The following GUCY2C variants were observed in gnomAD, a reference collection of about 807,000 sequenced individuals.
GUCY2C encodes guanylate cyclase 2C, also known as guanylyl cyclase C.
Under a neutral mutation model 131.1 loss-of-function variants are expected in GUCY2C, and 118 were observed. The ratio of observed to expected loss-of-function variants is 0.90; its 90% CI spans 0.78 to 1.05. GUCY2C has a LOEUF of 1.05. Ranked by LOEUF, GUCY2C falls within the 50% of genes least tolerant of loss-of-function variation. The pLI is 0.00. For missense variants in GUCY2C, 1,161 were observed against 1,304.4 expected (o/e 0.89, Z 1.69); for synonymous variants, 452 against 457.8 (o/e 0.99, Z 0.16).
Position 14,621,076 on chromosome 12 carries a change from G to C in GUCY2C, c.2742C>G (p.Gly914=), listed in dbSNP as rs746044332. The change falls in exon 23 of 27, where the codon GGC becomes GGG. Residue 914 remains glycine (G), a synonymous_variant. Transcript: ENST00000261170. ...MGTFELEHLP[G]LPIWIRIGVH... ...CTCCAATGCGAATCCATATTGGGAGGCCAGGAAGATGCTCCAGCTCAAAGG... is the reference window on the plus strand; with the variant it reads ...CTCCAATGCGAATCCATATTGGGAGCCCAGGAAGATGCTCCAGCTCAAAGG... 2.5e-6 allele frequency: 4 copies of C among 1,613,908 alleles called. No homozygotes were observed. In the South Asian group the frequency reaches 3.3e-5, roughly 13 times the overall value.
chr12:14,683,037 C>CT lies in GUCY2C; in HGVS notation c.611+4dup. ...TGCTAGTGAAATATTAATGATCCTG[C>CT]TTACCAGAAACAGTCCTCAGTTTCT... is the stretch of plus-strand genomic sequence containing the variant. On this transcript the variant is annotated splice_donor_region_variant and intron_variant, in intron 4 of 26. Coordinates refer to ENST00000261170, the MANE Select transcript of GUCY2C (RefSeq NM_004963.4). 1.3e-6 allele frequency: 2 copies of CT among 1,594,216 alleles called. No homozygotes were observed. Among genetic ancestry groups the CT allele is most frequent in the South Asian group, 1.1e-5 (1 of 90,680 alleles).
chr12:14,674,725 T>G lies in GUCY2C; in HGVS notation c.984A>C (p.Gly328=). 2.5e-6 allele frequency: 4 copies of G among 1,611,514 alleles called. No homozygotes were observed. The highest frequency in any genetic ancestry group is 1.3e-5 in the African/African-American group (1 of 74,950). ...KRDFALAYLN[G]ILLFGHMLKI... is the part of the protein sequence containing the mutation. ...TCAGCATATGTCCAAAGAGCAGGAT[T>G]CCATTCAAATAGGCAAGAGCAAAGT... The change falls in exon 8 of 27, where the codon GGA becomes GGC. Residue 328 remains glycine, a synonymous_variant. Transcript: ENST00000261170.
chr12:14,646,917 T>C (rs1173708047), intron 15 of GUCY2C, among the ~76,000 whole-genome samples: 1 of 152,138 alleles, frequency 6.6e-6, no homozygotes, highest in Non-Finnish European at 1.5e-5. Context: ...AGATTATAAC[T>C]GTGATAAGTA....
chr12:14,687,934 CA>C lies in GUCY2C; in HGVS notation c.330+16del. ...GCCCAGAGGCCATGAGCTGCATCCA[CA>C]AAAGCAAATACTTACTGAAATTTTC... On this transcript the variant is annotated intron_variant, in intron 2 of 26. Coordinates refer to ENST00000261170, the MANE Select transcript of GUCY2C (RefSeq NM_004963.4). The C allele has an allele frequency of 6.9e-7, 1 of 1,443,448 alleles. No homozygotes were observed. The highest frequency in any genetic ancestry group is 9.8e-7 in the Non-Finnish European group (1 of 1,024,400). The allele number at this position is 1,443,448 out of a possible 1,614,324, so 89.4% of individuals were successfully genotyped here.
chr12:14,656,418 A>G (rs1947764145), intron 12 of GUCY2C, 94 bp downstream of exon 12: 3 of 678,994 alleles, frequency 4.4e-6, no homozygotes, highest in Middle Eastern at 5.0e-4. Context: ...TAGAACAACT[A>G]TCCCTACTTG....
At chr12:14,636,211 A>T (rs1269097966) in intron 19 of GUCY2C, among the ~76,000 whole-genome samples, 1 of 152,190 alleles carries the variant, frequency 6.6e-6, no homozygotes, top group African/African-American at 2.4e-5. Context: ...CAAGAAAAAA[A>T]ATACTAGCAA....
At chr12:14,644,722 A>C (rs1947480844) in intron 16 of GUCY2C, among the ~76,000 whole-genome samples, 2 of 148,732 alleles carry the variant, frequency 1.3e-5, no homozygotes, top group Non-Finnish European at 3.0e-5. Context: ...TCTCTTGTAA[A>C]GTTGAGGATT....
intron 21 of GUCY2C, among the ~76,000 whole-genome samples, chr12:14,625,413 C>A (rs10219619): frequency 2.0e-5 from 3 of 151,788 alleles, no homozygotes; most frequent in African/African-American, 7.3e-5. Context: ...CTGCAACCTC[C>A]GCATCTTGGG....
intron 15 of GUCY2C, among the ~76,000 whole-genome samples, chr12:14,649,070 G>A (rs576294570): frequency 6.6e-6 from 1 of 152,104 alleles, no homozygotes; most frequent in African/African-American, 2.4e-5. Flanking sequence ...TCTTCCCTGA[G>A]CTATGGTTTC....
Position 14,621,192 on chromosome 12 carries a change from T to TGTAC in GUCY2C, c.2622_2625dup (p.Met876ValfsTer5). 2 of 1,613,524 alleles carry TGTAC rather than the reference T, an allele frequency of 1.2e-6. No individual in the cohort carries two copies. Among genetic ancestry groups the TGTAC allele is most frequent in the Non-Finnish European group, 1.7e-6 (2 of 1,179,848 alleles). ...CTCTTAGGCAAACCACTAGCCACCA[T>TGTAC]GTACGCATCACCGATGGTTTCCACC... is the stretch of plus-strand genomic sequence containing the variant. On this transcript the variant is annotated frameshift_variant, in exon 23 of 27. Transcript: ENST00000261170. LOFTEE classifies it high-confidence loss of function.
chr12:14,657,621 G>A (rs1406910818), intron 11 of GUCY2C, among the ~76,000 whole-genome samples: 3 of 152,076 alleles, frequency 2.0e-5, no homozygotes, highest in Non-Finnish European at 2.9e-5. Flanking sequence ...CAGTGGTGGC[G>A]TTAGATTCTC....
chr12:14,669,096 G>A (rs577045141), intron 10 of GUCY2C, among the ~76,000 whole-genome samples: 2 of 152,152 alleles, frequency 1.3e-5, no homozygotes, highest in African/African-American at 4.8e-5. Flanking sequence ...TTTGCCAGTT[G>A]TCAAACCCGG....
intron 19 of GUCY2C, among the ~76,000 whole-genome samples, chr12:14,634,398 C>G (rs1402729312): frequency 6.6e-6 from 1 of 152,154 alleles, no homozygotes; most frequent in Non-Finnish European, 1.5e-5. Flanking sequence ...CGTCCTACGC[C>G]TGGAAGTGAA....
intron 6 of GUCY2C, 92 bp from the exon 7 acceptor site, chr12:14,677,063 A>G (rs944770782): frequency 4.6e-6 from 2 of 436,404 alleles, no homozygotes; most frequent in Non-Finnish European, 8.5e-6. Context: ...CATCATTGAA[A>G]ATAGTTTAAA....
intron 10 of GUCY2C, among the ~76,000 whole-genome samples, chr12:14,665,084 T>C (rs550187185): frequency 6.6e-5 from 10 of 152,026 alleles, no homozygotes; most frequent in Admixed American, 2.0e-4. Flanking sequence ...CGGTGGCAGG[T>C]GCCTGTAATC....
chr12:14,656,208 CT>C (rs1947759779), intron 12 of GUCY2C, among the ~76,000 whole-genome samples: 2 of 152,186 alleles, frequency 1.3e-5, no homozygotes, highest in Non-Finnish European at 2.9e-5. Context: ...CTCAAATGCT[CT>C]GCCCATTCCT....
rs954564006 is a variant in GUCY2C at position 14,651,997 on chromosome 12, C to T, written c.1567G>A (p.Gly523Ser). The change falls in exon 14 of 27, where the codon GGT (glycine) becomes AGT (serine). Residue 523 changes from glycine to serine, a missense_variant. Physicochemically the swap from Gly to Ser is moderately conservative, Grantham distance 56. Coordinates refer to ENST00000261170, the MANE Select transcript of GUCY2C (RefSeq NM_004963.4). ...VILKDLKHND[G>S]NFTEKQKIEL... ...ATCTTCTGTTTTTCAGTGAAATTACCATCATTGTGCTTGAGATCTTTGAGA... is the reference window on the plus strand; with the variant it reads ...ATCTTCTGTTTTTCAGTGAAATTACTATCATTGTGCTTGAGATCTTTGAGA... 6 of 1,602,962 alleles carry T rather than the reference C, an allele frequency of 3.7e-6. No homozygotes were observed. The East Asian group carries it at 8.9e-5, about 24-fold the overall frequency.
chr12:14,687,884 A>T, intron 2 of GUCY2C, 67 bp downstream of exon 2: 1 of 861,794 alleles, frequency 1.2e-6, no homozygotes. Flanking sequence ...TCATGTGCCT[A>T]CATTTCACAC....
At chr12:14,653,185 T>C (rs191791188) in intron 12 of GUCY2C, among the ~76,000 whole-genome samples, 171 bp from the exon 13 acceptor site, 6 of 152,304 alleles carry the variant, frequency 3.9e-5, no homozygotes, top group South Asian at 4.1e-4. Flanking sequence ...CTCTCACTAA[T>C]TGGACTCCAG....
Sources: allele counts gnomAD v4.1 joint callset (sites outside exome capture counted in the v4.1 genomes callset), GRCh38; gene constraint gnomAD v4.1.1; transcripts MANE v1.5; gene names NCBI Gene and HGNC (gene_info 2026-07-23, HGNC 2026-07-21).